The following XNDC1N variants were observed in gnomAD, a reference collection of about 807,000 sequenced individuals.
The protein encoded by XNDC1N is protein XNDC1N.
the XNDC1N span, chr11:71,865,872 G>A: frequency 0.11 from 47,876 of 434,424 alleles, 6,310 homozygotes; most frequent in African/African-American, 0.44. Flanking sequence ...CAAAAAATAA[G>A]TAAATAAACA....
chr11:71,877,577 G>A, the XNDC1N span, among the ~76,000 whole-genome samples: 1 of 152,368 alleles, frequency 6.6e-6, no homozygotes, highest in African/African-American at 2.4e-5. Flanking sequence ...GGCAGAGGTT[G>A]CAGTGAGCCA....
chr11:71,869,615 T>A, the XNDC1N span, among the ~76,000 whole-genome samples: 2 of 152,360 alleles, frequency 1.3e-5, no homozygotes, highest in African/African-American at 4.8e-5. Context: ...TTGTTCTTTC[T>A]TAAAAGGGCT....
chr11:71,888,916 A>G, the XNDC1N span, among the ~76,000 whole-genome samples: 2 of 152,266 alleles, frequency 1.3e-5, no homozygotes, highest in Non-Finnish European at 2.9e-5. Flanking sequence ...GTTGTGTAGA[A>G]GTGTTGGACT....
At chr11:71,925,026 T>C in the XNDC1N span, among the ~76,000 whole-genome samples, 1 of 151,876 alleles carries the variant, frequency 6.6e-6, no homozygotes, top group Non-Finnish European at 1.5e-5. Context: ...TTCTCCACGA[T>C]TTTGCTCATG....
chr11:71,917,648 G>A, the XNDC1N span: 147 of 703,436 alleles, frequency 2.1e-4, no homozygotes, highest in African/African-American at 1.8e-3. Flanking sequence ...ACCCCGGAGC[G>A]GTTCTTCCCC....
chr11:71,905,003 G>A, the XNDC1N span, among the ~76,000 whole-genome samples: 371 of 151,970 alleles, frequency 2.4e-3, no homozygotes, highest in Middle Eastern at 0.01. Flanking sequence ...AATATCAGGG[G>A]GTGCACATAC....
the XNDC1N span, chr11:71,903,606 G>A: frequency 1.3e-5 from 8 of 594,370 alleles, no homozygotes; most frequent in Admixed American, 5.3e-5. Context: ...TCTTGAACCC[G>A]TGTTTCTGTG....
chr11:71,903,322 C>T, the XNDC1N span: 609 of 1,425,686 alleles, frequency 4.3e-4, 3 homozygotes, highest in Non-Finnish European at 5.5e-4. Context: ...AGAACCTGCT[C>T]ATCATCCTGG....
the XNDC1N span, among the ~76,000 whole-genome samples, chr11:71,881,480 G>C: frequency 2.6e-5 from 4 of 152,136 alleles, no homozygotes; most frequent in South Asian, 2.1e-4. Flanking sequence ...CCTGAGGCCT[G>C]TCTTGGCTTG....
chr11:71,900,768 T>C, the XNDC1N span, among the ~76,000 whole-genome samples: 1 of 152,200 alleles, frequency 6.6e-6, no homozygotes, highest in Non-Finnish European at 1.5e-5. Context: ...ATGCAGCTTG[T>C]TTCATTTCAT....
At chr11:71,890,700 T>G in the XNDC1N span, among the ~76,000 whole-genome samples, 1 of 151,996 alleles carries the variant, frequency 6.6e-6, no homozygotes, top group African/African-American at 2.4e-5. Context: ...CCTGCGATAT[T>G]TGGAGGAATA....
At chr11:71,917,365 C>T in the XNDC1N span, 4 of 611,590 alleles carry the variant, frequency 6.5e-6, no homozygotes, top group Non-Finnish European at 1.2e-5. Flanking sequence ...TGGGCCCTAC[C>T]GAACCACAAG....
the XNDC1N span, chr11:71,914,418 G>T: frequency 2.0e-5 from 9 of 455,576 alleles, no homozygotes; most frequent in East Asian, 6.9e-5. Context: ...CAGGCATGGT[G>T]GCTCATGCCT....
chr11:71,867,911 T>C, the XNDC1N span, among the ~76,000 whole-genome samples: 3 of 152,232 alleles, frequency 2.0e-5, no homozygotes, highest in Non-Finnish European at 4.4e-5. Flanking sequence ...TACTACTGTG[T>C]GGTTATCTAA....
At chr11:71,916,243 A>G in the XNDC1N span, 1 of 702,644 alleles carries the variant, frequency 1.4e-6, no homozygotes. Flanking sequence ...GGCTGGAGCC[A>G]GGAAATCAAC....
chr11:71,909,084 G>A, the XNDC1N span, among the ~76,000 whole-genome samples: 22 of 151,964 alleles, frequency 1.4e-4, no homozygotes, highest in Admixed American at 9.8e-4. Context: ...CTGTGATCCC[G>A]ATAGCCCTGA....
chr11:71,887,083 G>A, the XNDC1N span, among the ~76,000 whole-genome samples: 2 of 152,332 alleles, frequency 1.3e-5, no homozygotes, highest in Non-Finnish European at 2.9e-5. Flanking sequence ...CTTGAACTGA[G>A]GGAGACAAGA....
chr11:71,892,623 G>A, the XNDC1N span, among the ~76,000 whole-genome samples: 1 of 152,048 alleles, frequency 6.6e-6, no homozygotes, highest in Non-Finnish European at 1.5e-5. Flanking sequence ...CAGGTTCTAA[G>A]GGATTCTCCT....
At chr11:71,917,552 C>T in the XNDC1N span, 1 of 703,686 alleles carries the variant, frequency 1.4e-6, no homozygotes, top group Middle Eastern at 2.3e-4. Context: ...CACTCACAGT[C>T]CTCTTTAGTA....
Sources: gnomAD v4.1 joint callset for allele counts (sites outside exome capture counted in the v4.1 genomes callset) on GRCh38, gnomAD v4.1.1 for gene constraint, MANE v1.5 for transcripts, NCBI Gene and HGNC (gene_info 2026-07-23, HGNC 2026-07-21) for gene names.